SMPD4: variants seen among roughly 807,000 people sequenced by gnomAD.
SMPD4 encodes sphingomyelin phosphodiesterase 4, also known as neutral sphingomyelinase 3.
SMPD4 carries 58 observed loss-of-function variants against 97.8 expected under a neutral mutation model. The observed-to-expected ratio is 0.59, with a 90% confidence interval of 0.48 to 0.74. The LOEUF (loss-of-function observed/expected upper bound fraction) is 0.74, where lower values mean the gene tolerates loss of function less well. SMPD4 is among the 30% of genes least tolerant of loss of function. The probability of loss-of-function intolerance (pLI) is 0.00; values close to 1 mark genes in which losing one functional copy is unlikely to be tolerated. For synonymous variants in SMPD4, 388 were observed against 450.0 expected, an observed-to-expected ratio of 0.86 and a Z score of 1.74; for missense variants, 853 against 1,080.5, an observed-to-expected ratio of 0.79 and a Z score of 2.95.
chr2:130,161,089 GCCT>G (rs1687353636), intron 11 of SMPD4, 94 bp downstream of exon 11: 1 of 1,180,536 alleles, frequency 8.5e-7, no homozygotes. Flanking sequence ...CTTGGAACTA[GCCT>G]CTGAGTCACC....
In SMPD4 at chr2:130,152,343, T is replaced by G; in HGVS notation, c.*212A>C. The G allele has an allele frequency of 3.3e-6, 2 of 600,896 alleles. No homozygotes were observed. Among genetic ancestry groups the G allele is most frequent in the Non-Finnish European group, 5.8e-6 (2 of 342,414 alleles). The allele number at this position is 600,896 out of a possible 1,614,324, so 37.2% of individuals were successfully genotyped here. A position where few individuals can be genotyped will look rare whatever the true frequency, so the allele number is the denominator to read the frequency against. On this transcript the variant is annotated 3_prime_UTR_variant, in exon 20 of 20. Coordinates refer to ENST00000680298, the MANE Select transcript of SMPD4 (RefSeq NM_017951.5). Reference sequence around the variant, plus strand: ...TCTGCGCTGTCACAGAGCGTAGCTGTTGAGCCCTGGCAGCTACTCCTTTGC... The same window carrying G: ...TCTGCGCTGTCACAGAGCGTAGCTGGTGAGCCCTGGCAGCTACTCCTTTGC...
intron 17 of SMPD4, 91 bp from the exon 18 acceptor site, chr2:130,153,541 G>A: frequency 1.3e-6 from 2 of 1,588,190 alleles, no homozygotes; most frequent in Non-Finnish European, 1.7e-6. Context: ...GGCAACAAGG[G>A]GACCCAGCTA....
intron 8 of SMPD4, among the ~76,000 whole-genome samples, chr2:130,168,573 G>A (rs555446467): frequency 2.8e-4 from 43 of 152,038 alleles, no homozygotes; most frequent in Admixed American, 1.2e-3. Context: ...AGGCTGGAGT[G>A]CAATGATGCA....
chr2:130,165,039 G>A (rs750773989), intron 9 of SMPD4, among the ~76,000 whole-genome samples: 3 of 143,318 alleles, frequency 2.1e-5, no homozygotes, highest in African/African-American at 7.7e-5. Flanking sequence ...GTGCCCAGGA[G>A]TTTGAGACTG....
chr2:130,171,520 C>G (rs1688463692), intron 8 of SMPD4, among the ~76,000 whole-genome samples: 1 of 152,130 alleles, frequency 6.6e-6, no homozygotes, highest in African/African-American at 2.4e-5. Context: ...GGGTGTGAAT[C>G]TGCCTCACCT....
intron 11 of SMPD4, 23 bp downstream of exon 11, chr2:130,161,163 G>A: frequency 1.2e-6 from 2 of 1,609,954 alleles, no homozygotes; most frequent in East Asian, 2.2e-5. Flanking sequence ...TGGGCAGGAG[G>A]AAGGGAACGA....
At chr2:130,159,423 G>A (rs1687169820) in intron 11 of SMPD4, 2 of 152,118 alleles carry the variant, frequency 1.3e-5, no homozygotes, top group African/African-American at 4.8e-5. Flanking sequence ...CAGATCACTT[G>A]AGGTCAGGAG....
chr2:130,155,429 G>A (rs568136834), intron 14 of SMPD4, among the ~76,000 whole-genome samples, 170 bp from the exon 15 acceptor site: 4 of 152,222 alleles, frequency 2.6e-5, no homozygotes, highest in South Asian at 2.1e-4. Context: ...CAGGCAGGGA[G>A]GACAGGACAG....
At chr2:130,179,109 A>G (rs1354413301) in intron 1 of SMPD4, among the ~76,000 whole-genome samples, 18 of 149,332 alleles carry the variant, frequency 1.2e-4, no homozygotes, top group Non-Finnish European at 2.4e-4. Flanking sequence ...ACATCTCCCA[A>G]GTTTTTTCAA....
chr2:130,164,261 G>A (rs1687704393), intron 10 of SMPD4, 113 bp downstream of exon 10: 3 of 881,508 alleles, frequency 3.4e-6, no homozygotes, highest in African/African-American at 1.7e-5. Flanking sequence ...GGTGGGTGGT[G>A]GGTTTCTGCT....
In SMPD4 at chr2:130,164,582, C is replaced by G. The variant is rs1426730803; in HGVS notation, c.793-137G>C. On this transcript the variant is annotated intron_variant, in intron 9 of 19. Coordinates refer to ENST00000680298, the MANE Select transcript of SMPD4 (RefSeq NM_017951.5). ...TGCAGAACAGTGAAGCTGGGCCCTT[C>G]CTTCACACCATCACCAAAAAATAAC... The G allele has an allele frequency of 1.2e-5, 8 of 670,592 alleles. No homozygotes were observed. The Admixed American group carries it at 2.3e-4, about 19-fold the overall frequency. 41.5% of individuals were successfully genotyped at this position (670,592 alleles called of 1,614,324 possible). A position where few individuals can be genotyped will look rare whatever the true frequency, so the allele number is the denominator to read the frequency against.
intron 11 of SMPD4, among the ~76,000 whole-genome samples, chr2:130,160,426 G>A (rs1361728994): frequency 2.0e-5 from 3 of 152,196 alleles, no homozygotes; most frequent in Non-Finnish European, 4.4e-5. Context: ...GTCTCCCCCG[G>A]CTCTCACAGA....
chr2:130,177,947 G>A (rs907559795), intron 1 of SMPD4, among the ~76,000 whole-genome samples: 1 of 152,114 alleles, frequency 6.6e-6, no homozygotes, highest in African/African-American at 2.4e-5. Context: ...CTGCTATGAC[G>A]GCATTTTGCA....
chr2:130,180,113 G>A (rs1297806446), intron 1 of SMPD4, among the ~76,000 whole-genome samples: 1 of 150,478 alleles, frequency 6.6e-6, no homozygotes, highest in African/African-American at 2.5e-5. Flanking sequence ...ACAGGCGCCC[G>A]CCACCACGCC....
chr2:130,173,618 A>T lies in SMPD4; in HGVS notation c.165T>A (p.Ile55=). The change falls in exon 4 of 20, where the codon ATT becomes ATA. Residue 55 remains isoleucine, a synonymous_variant. Transcript: ENST00000680298. ...CGAGGACACCATCTAGGCTGCCAAA[A>T]ATGCTTTCTACCAGCCATGGGAAGA... ...HTIFPWLVES[I]FGSLDGVLVG... is the part of the protein sequence containing the mutation. 4 of 1,613,810 alleles carry T rather than the reference A, an allele frequency of 2.5e-6. No homozygotes were observed. The highest frequency in any genetic ancestry group is 3.4e-6 in the Non-Finnish European group (4 of 1,179,850).
intron 11 of SMPD4, chr2:130,157,707 C>A (rs1031092389): frequency 1.2e-5 from 5 of 421,668 alleles, no homozygotes; most frequent in Non-Finnish European, 2.1e-5. Flanking sequence ...TGCTTCTGCA[C>A]GGCTGCAAAT....
In SMPD4 at chr2:130,153,408, T is replaced by C; in HGVS notation, c.1936A>G (p.Thr646Ala). Residue 646 changes from threonine (T) to alanine (A), a missense_variant, in exon 18 of 20, where the codon ACC becomes GCC. Coordinates refer to ENST00000680298, the MANE Select transcript of SMPD4 (RefSeq NM_017951.5). ...TTTTTTCCATTCTCATCCTGGGTGG[T>C]GCCCAAGGCGAGTGTGAACTGCCTG... ...QLRQFTLALG[T>A]TQDENGKKQL... The C allele has an allele frequency of 6.2e-7, 1 of 1,613,930 alleles. No individual in the cohort carries two copies. Among genetic ancestry groups the C allele is most frequent in the Non-Finnish European group, 8.5e-7 (1 of 1,180,018 alleles).
chr2:130,158,251 C>G lies in SMPD4; in HGVS notation c.952-855G>C, dbSNP rs1015978960. 3 of 1,288,768 alleles carry G rather than the reference C, an allele frequency of 2.3e-6. No homozygotes were observed. In the African/African-American group the frequency reaches 4.6e-5, roughly 20 times the overall value. 79.8% of individuals were successfully genotyped at this position (1,288,768 alleles called of 1,614,324 possible). On this transcript the variant is annotated intron_variant, in intron 11 of 19. Coordinates refer to ENST00000680298, the MANE Select transcript of SMPD4 (RefSeq NM_017951.5). ...GTAGAAGCCCCGGGCGTCACTTCCT[C>G]TGTTGCCCAGGGACCTGTGGTCAGG...
intron 1 of SMPD4, among the ~76,000 whole-genome samples, chr2:130,178,048 A>T (rs1216010018): frequency 6.6e-6 from 1 of 152,222 alleles, no homozygotes; most frequent in Non-Finnish European, 1.5e-5. Flanking sequence ...TTAGTTCTAC[A>T]ACTCCAAGGA....
Sources: gnomAD v4.1 joint callset for allele counts (sites outside exome capture counted in the v4.1 genomes callset) on GRCh38, gnomAD v4.1.1 for gene constraint, MANE v1.5 for transcripts, NCBI Gene and HGNC (gene_info 2026-07-23, HGNC 2026-07-21) for gene names.